Variants in PCDHA10 observed in about 807,000 individuals in gnomAD.
PCDHA10 encodes the protein protocadherin alpha-10.
In PCDHA10, 45 loss-of-function variants were observed where a neutral mutation model predicts 61.2. That is an observed-to-expected ratio of 0.74 (90% CI 0.58 to 0.94). The LOEUF is 0.94. PCDHA10 is among the 40% of genes least tolerant of loss of function. The probability of loss-of-function intolerance (pLI) is 0.00; values close to 1 mark genes in which losing one functional copy is unlikely to be tolerated. For synonymous variants in PCDHA10, 602 were observed against 548.8 expected (o/e 1.10, Z -1.35); for missense variants, 1,278 against 1,236.2 (o/e 1.03, Z -0.51).
intron 1 of PCDHA10, chr5:140,929,602 A>G: frequency 2.4e-6 from 1 of 417,610 alleles, no homozygotes; most frequent in Non-Finnish European, 4.3e-6. Flanking sequence ...CTAAAATTAA[A>G]AATAAAATAC....
rs782343836 is a variant in PCDHA10 at position 140,869,112 on chromosome 5, T to C, written c.2388+10676T>C. 17 of 1,604,108 alleles carry C rather than the reference T, an allele frequency of 1.1e-5. No individual in the cohort carries two copies. The South Asian group carries it at 1.5e-4, about 15-fold the overall frequency. On this transcript the variant is annotated intron_variant, in intron 1 of 3. Coordinates refer to ENST00000307360, the MANE Select transcript of PCDHA10 (RefSeq NM_018901.4). ...AGCCAATTTCGTATGCGATGTTTGG[T>C]TTTCAGAGAAGGGGATTGGGCACCC...
intron 1 of PCDHA10, chr5:140,877,782 G>A (rs1389004100): frequency 6.2e-7 from 1 of 1,614,036 alleles, no homozygotes; most frequent in Non-Finnish European, 8.5e-7. Context: ...CGGACCTCAT[G>A]GCCTTCAGCC....
chr5:140,959,772 C>T (rs1554224331), intron 1 of PCDHA10, among the ~76,000 whole-genome samples: 1 of 152,120 alleles, frequency 6.6e-6, no homozygotes, highest in East Asian at 1.9e-4. Flanking sequence ...TCAGTAAGAA[C>T]AGTGTATATT....
chr5:140,923,570 C>T (rs1554201533), intron 1 of PCDHA10, among the ~76,000 whole-genome samples: 2 of 152,136 alleles, frequency 1.3e-5, no homozygotes, highest in African/African-American at 4.8e-5. Context: ...AAAGGTCCTG[C>T]TAAAGAGAAG....
rs1554150765 is a variant in PCDHA10 at position 140,857,859 on chromosome 5, C to T, written c.1811C>T (p.Ala604Val). 3 of 1,597,718 alleles carry T rather than the reference C, an allele frequency of 1.9e-6. No individual in the cohort carries two copies. The highest frequency in any genetic ancestry group is 2.6e-6 in the Non-Finnish European group (3 of 1,167,518). ...GTGGACGCTGACTCTGGATACAACG[C>T]GTGGCTGTCGTATGAATTGCAGTCG... ...RAVDADSGYN[A>V]WLSYELQSAA... is the part of the protein sequence containing the mutation. Residue 604 changes from alanine (A) to valine (V), a missense_variant, in exon 1 of 4, where the codon GCG becomes GTG. Physicochemically the swap from Ala to Val is moderately conservative, Grantham distance 64 (BLOSUM62 0). Coordinates refer to ENST00000307360, the MANE Select transcript of PCDHA10 (RefSeq NM_018901.4).
At chr5:140,869,630 A>G in intron 1 of PCDHA10, 2 of 1,613,720 alleles carry the variant, frequency 1.2e-6, no homozygotes, top group Non-Finnish European at 8.5e-7. Context: ...AGTAAAAATG[A>G]GTATTTTTCT....
intron 1 of PCDHA10, among the ~76,000 whole-genome samples, chr5:140,911,457 A>G (rs1225259689): frequency 6.6e-6 from 1 of 152,144 alleles, no homozygotes; most frequent in Non-Finnish European, 1.5e-5. Flanking sequence ...CTCTTTCTCT[A>G]CAGGAGATAA....
At chr5:140,962,817 G>A (rs555403742) in intron 1 of PCDHA10, among the ~76,000 whole-genome samples, 2 of 152,202 alleles carry the variant, frequency 1.3e-5, no homozygotes, top group South Asian at 4.1e-4. Flanking sequence ...CATCAGAGAT[G>A]ACCATTTGTC....
intron 1 of PCDHA10, among the ~76,000 whole-genome samples, chr5:140,916,814 G>A (rs1201189287): frequency 3.3e-5 from 5 of 152,112 alleles, no homozygotes; most frequent in African/African-American, 1.2e-4. Context: ...TAGGTCATGT[G>A]CCACCCCTAT....
chr5:140,875,419 G>A (rs782346114), intron 1 of PCDHA10: 51 of 1,516,154 alleles, frequency 3.4e-5, no homozygotes, highest in Admixed American at 4.8e-5. Context: ...AATACCTCAG[G>A]CAAGCGATCC....
At chr5:140,920,868 T>C (rs1248971730) in intron 1 of PCDHA10, among the ~76,000 whole-genome samples, 4 of 149,716 alleles carry the variant, frequency 2.7e-5, no homozygotes, top group Non-Finnish European at 1.5e-5. Context: ...ACAAACAAAC[T>C]GTGGCCCTTA....
chr5:140,982,354 A>G, intron 2 of PCDHA10, 121 bp from the exon 3 acceptor site: 2 of 1,512,522 alleles, frequency 1.3e-6, no homozygotes, highest in East Asian at 2.4e-5. Flanking sequence ...CAGTTCAAGC[A>G]TGAGCAGAAT....
intron 1 of PCDHA10, among the ~76,000 whole-genome samples, chr5:140,977,388 T>C (rs1187960215): frequency 6.6e-6 from 1 of 152,248 alleles, no homozygotes; most frequent in East Asian, 1.9e-4. Flanking sequence ...TCCAGGTTTA[T>C]AAAATGATTT....
chr5:140,897,289 C>T (rs1027792864), intron 1 of PCDHA10, among the ~76,000 whole-genome samples: 2 of 150,912 alleles, frequency 1.3e-5, no homozygotes, highest in Non-Finnish European at 3.0e-5. Flanking sequence ...CCCATTAACT[C>T]GTCATTTAGC....
At chr5:140,866,752 C>G (rs928654608) in intron 1 of PCDHA10, 1 of 152,140 alleles carries the variant, frequency 6.6e-6, no homozygotes, top group Non-Finnish European at 1.5e-5. Context: ...ATATGACTAA[C>G]AGGACATACA....
chr5:140,975,996 C>T (rs923472287), intron 1 of PCDHA10, among the ~76,000 whole-genome samples: 1 of 152,064 alleles, frequency 6.6e-6, no homozygotes, highest in African/African-American at 2.4e-5. Flanking sequence ...GAGGTACCAT[C>T]TAAGTATTAA....
At chr5:140,926,961 G>A in intron 1 of PCDHA10, 1 of 1,604,688 alleles carries the variant, frequency 6.2e-7, no homozygotes, top group Non-Finnish European at 8.5e-7. Context: ...GACAGCTCGA[G>A]TACTCAGTGC....
At chr5:141,003,663 A>G (rs1298864445) in intron 3 of PCDHA10, among the ~76,000 whole-genome samples, 4 of 152,204 alleles carry the variant, frequency 2.6e-5, no homozygotes, top group Non-Finnish European at 5.9e-5. Flanking sequence ...CATTTATTAA[A>G]ATATATGTTG....
At chr5:140,902,208 T>TC (rs1462936622) in intron 1 of PCDHA10, among the ~76,000 whole-genome samples, 2 of 149,762 alleles carry the variant, frequency 1.3e-5, no homozygotes, top group East Asian at 3.9e-4. Flanking sequence ...TCTTTCTTTT[T>TC]TTTTTTTTTT....
Sources: gnomAD v4.1 joint callset for allele counts (sites outside exome capture counted in the v4.1 genomes callset) on GRCh38, gnomAD v4.1.1 for gene constraint, MANE v1.5 for transcripts, NCBI Gene and HGNC (gene_info 2026-07-23, HGNC 2026-07-21) for gene names.